The following LRRFIP2 variants were observed in gnomAD, a reference collection of about 807,000 sequenced individuals.
The protein encoded by LRRFIP2 is LRR binding FLII interacting protein 2, also known as leucine-rich repeat flightless-interacting protein 2.
LRRFIP2 carries 109 observed loss-of-function variants against 125.9 expected under a neutral mutation model. That is an observed-to-expected ratio of 0.87 (90% CI 0.74 to 1.01). The LOEUF is 1.01. LRRFIP2 is among the 50% of genes least tolerant of loss of function. LRRFIP2 has a pLI of 0.00. For synonymous variants in LRRFIP2, 291 were observed against 293.1 expected (o/e 0.99, Z 0.07); for missense variants, 850 against 862.3 (o/e 0.99, Z 0.18).
chr3:37,157,724 T>C (rs975585198), intron 1 of LRRFIP2, among the ~76,000 whole-genome samples: 3 of 151,938 alleles, frequency 2.0e-5, no homozygotes, highest in Non-Finnish European at 4.4e-5. Flanking sequence ...AAAAAATATA[T>C]ACAGGCAAAA....
chr3:37,056,976 G>A (rs2087073061), intron 25 of LRRFIP2, among the ~76,000 whole-genome samples: 1 of 151,858 alleles, frequency 6.6e-6, no homozygotes, highest in Admixed American at 6.6e-5. Context: ...GTAACTTCAT[G>A]TGTGTTTTGA....
chr3:37,127,655 T>G lies in LRRFIP2; in HGVS notation c.203A>C (p.Lys68Thr). 1 of 1,613,994 alleles carries G rather than the reference T, an allele frequency of 6.2e-7. No homozygotes were observed. The highest frequency in any genetic ancestry group is 8.5e-7 in the Non-Finnish European group (1 of 1,179,916). Residue 68 changes from lysine to threonine, a missense_variant, in exon 4 of 28, where the codon AAG (lysine) becomes ACG (threonine). By Grantham distance (78) the Lys-to-Thr change is moderately conservative. Coordinates refer to ENST00000336686, the MANE Select transcript of LRRFIP2 (RefSeq NM_006309.4). The part of the protein sequence containing the change: ...KEYSLHSFDR[K>T]WGQIQKWLED... ...CAGCCACTTCTGAATCTGTCCCCAC[T>G]TCCGATCAAAGGAATGAAGAGAGTA...
At position 37,162,155 on chromosome 3, in the gene LRRFIP2, CAAAAAA is replaced by C. The variant is rs71091697; in HGVS notation, c.-56+12378_-56+12383del. Among the ~76,000 whole-genome samples, 145 of 73,988 alleles carry C rather than the reference CAAAAAA, an allele frequency of 2.0e-3. 1 individual carries two copies. The highest frequency in any genetic ancestry group is 2.9e-3 in the Non-Finnish European group (118 of 41,330). The allele number at this position is 73,988 out of a possible 152,430, so 48.5% of individuals were successfully genotyped here. A position where few individuals can be genotyped will look rare whatever the true frequency, so the allele number is the denominator to read the frequency against. ...TGGGTGACAAAGTGAGACCCTGTCT[CAAAAAA>C]AAAAAAAAAAAAAAAAGAAGAGAGA... On this transcript the variant is annotated intron_variant, in intron 1 of 27. Coordinates refer to ENST00000336686, the MANE Select transcript of LRRFIP2 (RefSeq NM_006309.4).
At chr3:37,100,671 C>T (rs2093989391) in intron 15 of LRRFIP2, among the ~76,000 whole-genome samples, 1 of 152,054 alleles carries the variant, frequency 6.6e-6, no homozygotes, top group African/African-American at 2.4e-5. Context: ...ATAAGGAAGA[C>T]ATAACTATTA....
At chr3:37,075,577 G>A (rs1382818777) in intron 19 of LRRFIP2, among the ~76,000 whole-genome samples, 1 of 152,044 alleles carries the variant, frequency 6.6e-6, no homozygotes, top group Non-Finnish European at 1.5e-5. Context: ...TAAATGGAAA[G>A]GCATACCGTC....
At chr3:37,089,745 G>A (rs2093318342) in intron 18 of LRRFIP2, among the ~76,000 whole-genome samples, 1 of 151,984 alleles carries the variant, frequency 6.6e-6, no homozygotes, top group Non-Finnish European at 1.5e-5. Flanking sequence ...TGAATCACAT[G>A]ATTGCTTTCC....
chr3:37,134,656 C>T, intron 2 of LRRFIP2: 1 of 645,476 alleles, frequency 1.5e-6, no homozygotes, highest in Non-Finnish European at 3.0e-6. Flanking sequence ...CAAGCACATA[C>T]TATGGCACTA....
intron 14 of LRRFIP2, among the ~76,000 whole-genome samples, chr3:37,103,974 A>C (rs1559857984): frequency 6.6e-6 from 1 of 152,094 alleles, no homozygotes; most frequent in Admixed American, 6.5e-5. Context: ...TTCATCATCT[A>C]TTCCTTACTT....
chr3:37,116,150 G>A (rs1051360430), intron 6 of LRRFIP2, among the ~76,000 whole-genome samples: 6 of 151,910 alleles, frequency 3.9e-5, no homozygotes, highest in Non-Finnish European at 8.8e-5. Flanking sequence ...TTTGAGACAG[G>A]GTTTCACTCT....
At chr3:37,095,409 A>G (rs2093667842) in intron 16 of LRRFIP2, among the ~76,000 whole-genome samples, 1 of 152,186 alleles carries the variant, frequency 6.6e-6, no homozygotes, top group Non-Finnish European at 1.5e-5. Context: ...CTATGAATGT[A>G]GACTGTTCTT....
rs898799051 is a variant in LRRFIP2, at chr3:37,084,255, G to A, written c.1108-449C>T. 3.9e-5 allele frequency among the ~76,000 whole-genome samples: 6 copies of A among 152,250 alleles called. No homozygotes were observed. In the East Asian group the frequency reaches 1.2e-3, roughly 29 times the overall value. ...GAATTTTGCCACTTTCTAGACAGTT[G>A]TTTTTAGTACTTTCCTGTTCTGCAT... On this transcript the variant is annotated intron_variant, in intron 18 of 27. Transcript: ENST00000336686.
intron 2 of LRRFIP2, among the ~76,000 whole-genome samples, chr3:37,137,652 C>T (rs1314613661): frequency 6.6e-6 from 1 of 152,096 alleles, no homozygotes; most frequent in African/African-American, 2.4e-5. Flanking sequence ...CTGTACACAG[C>T]CTTTACTCTC....
Position 37,066,223 on chromosome 3 carries a change from C to T in LRRFIP2, c.1566+1G>A. The T allele has an allele frequency of 6.2e-7, 1 of 1,613,066 alleles. No individual in the cohort carries two copies. The highest frequency in any genetic ancestry group is 8.5e-7 in the Non-Finnish European group (1 of 1,179,072). On this transcript the variant is annotated splice_donor_variant, in intron 22 of 27. Coordinates refer to ENST00000336686, the MANE Select transcript of LRRFIP2 (RefSeq NM_006309.4). LOFTEE classifies it high-confidence loss of function. ...TGAATTCCAGGCTAATGCTAACATA[C>T]CTCTCCCGTCTTCACTGTCTCCTGC...
chr3:37,091,579 C>T (rs988241743), intron 17 of LRRFIP2, 41 bp from the exon 18 acceptor site: 3 of 1,367,346 alleles, frequency 2.2e-6, no homozygotes, highest in Non-Finnish European at 3.1e-6. Context: ...AAACCATGCA[C>T]AAACGTATCT....
intron 1 of LRRFIP2, among the ~76,000 whole-genome samples, chr3:37,155,013 C>T (rs1343570180): frequency 6.6e-6 from 1 of 152,188 alleles, no homozygotes; most frequent in Non-Finnish European, 1.5e-5. Context: ...ATAAACAAAT[C>T]CCAGTATATG....
chr3:37,120,256 G>A (rs754376641), intron 6 of LRRFIP2, among the ~76,000 whole-genome samples: 3 of 151,636 alleles, frequency 2.0e-5, no homozygotes, highest in Admixed American at 6.6e-5. Context: ...ACAGGCATGC[G>A]CCACCACACC....
chr3:37,134,132 A>G (rs2095497899), intron 2 of LRRFIP2, among the ~76,000 whole-genome samples: 1 of 150,444 alleles, frequency 6.6e-6, no homozygotes, highest in Non-Finnish European at 1.5e-5. Context: ...CAGTGAGCCG[A>G]GATGGCACCA....
intron 1 of LRRFIP2, among the ~76,000 whole-genome samples, chr3:37,157,025 A>T (rs1266863726): frequency 1.3e-5 from 2 of 152,146 alleles, no homozygotes; most frequent in Admixed American, 6.6e-5. Context: ...GCTACTTGGG[A>T]GGCTGAGGCA....
chr3:37,134,787 C>T, intron 2 of LRRFIP2: 1 of 807,484 alleles, frequency 1.2e-6, no homozygotes, highest in East Asian at 2.7e-5. Context: ...TAATGACAGC[C>T]CATATCAAAG....
Sources: gnomAD v4.1 joint callset for allele counts (sites outside exome capture counted in the v4.1 genomes callset) on GRCh38, gnomAD v4.1.1 for gene constraint, MANE v1.5 for transcripts, NCBI Gene and HGNC (gene_info 2026-07-23, HGNC 2026-07-21) for gene names.